The following KLF13 variants were observed in gnomAD, a reference collection of about 807,000 sequenced individuals.
The protein encoded by KLF13 is KLF transcription factor 13, also known as Krueppel-like factor 13.
KLF13 carries 8 observed loss-of-function variants against 16.7 expected under a neutral mutation model. That is an observed-to-expected ratio of 0.48 (90% CI 0.28 to 0.87). The LOEUF is 0.87. Among genes scored for constraint, KLF13 ranks in the 40% least tolerant of loss-of-function variants. The pLI, the probability that KLF13 is intolerant of heterozygous loss-of-function variation, is 0.10. For synonymous variants in KLF13, 245 were observed against 208.4 expected, an observed-to-expected ratio of 1.18 and a Z score of -1.51; for missense variants, 447 against 452.2, an observed-to-expected ratio of 0.99 and a Z score of 0.10.
chr15:31,387,511 T>C (rs185453977), intron 1 of KLF13, among the ~76,000 whole-genome samples: 15 of 152,386 alleles, frequency 9.8e-5, no homozygotes, highest in African/African-American at 3.6e-4. Flanking sequence ...AACTTTTATA[T>C]GCACTGGGAA....
intron 2 of KLF13, among the ~76,000 whole-genome samples, chr15:31,399,362 A>T (rs2040001422): frequency 1.3e-5 from 2 of 152,192 alleles, no homozygotes; most frequent in African/African-American, 4.8e-5. Context: ...ACGGGGTTTC[A>T]TCATGTTGGG....
At chr15:31,333,830 G>A (rs2038878666) in intron 1 of KLF13, among the ~76,000 whole-genome samples, 1 of 152,188 alleles carries the variant, frequency 6.6e-6, no homozygotes. Context: ...CCCAAAGCCA[G>A]TTGTCTTGTA....
chr15:31,356,361 C>A (rs1255021502), intron 1 of KLF13, among the ~76,000 whole-genome samples: 1 of 152,196 alleles, frequency 6.6e-6, no homozygotes, highest in East Asian at 1.9e-4. Context: ...TCAGACCAGC[C>A]TGACCAACAT....
intron 1 of KLF13, among the ~76,000 whole-genome samples, chr15:31,352,820 T>C (rs2039237655): frequency 6.6e-6 from 1 of 152,220 alleles, no homozygotes; most frequent in African/African-American, 2.4e-5. Context: ...CTGAGCCAAG[T>C]TCCCTTAGGA....
chr15:31,413,206 A>AAAAAAAAAAAAAAAAAAAC (rs1566843740), intron 1 of KLF13, among the ~76,000 whole-genome samples: 4 of 145,450 alleles, frequency 2.8e-5, no homozygotes, highest in East Asian at 2.1e-4. Context: ...AAAAAAACAA[A>AAAAAAAAAAAAAAAAAAAC]AAACAAAAAA....
At chr15:31,410,886 T>C (rs775853567) in intron 1 of KLF13, among the ~76,000 whole-genome samples, 2 of 152,114 alleles carry the variant, frequency 1.3e-5, no homozygotes, top group Non-Finnish European at 2.9e-5. Flanking sequence ...CAGACCCCTA[T>C]AGACACTGAA....
intron 1 of KLF13, among the ~76,000 whole-genome samples, chr15:31,335,127 TG>T (rs1330304718): frequency 6.6e-6 from 1 of 151,760 alleles, no homozygotes; most frequent in African/African-American, 2.4e-5. Context: ...GCTTGCTGAA[TG>T]GGGGAGCATC....
intron 1 of KLF13, among the ~76,000 whole-genome samples, chr15:31,386,453 C>G (rs925671174): frequency 1.6e-4 from 25 of 152,206 alleles, no homozygotes; most frequent in African/African-American, 5.1e-4. Context: ...GAGCCGAGAT[C>G]GTGCCATTGC....
At chr15:31,330,417 C>T (rs1373908961) in intron 1 of KLF13, among the ~76,000 whole-genome samples, 2 of 152,210 alleles carry the variant, frequency 1.3e-5, no homozygotes, top group Admixed American at 6.5e-5. Flanking sequence ...GGAAGGTGGC[C>T]AGCTGCTCTG....
At chr15:31,379,336 C>T (rs1164581763), downstream of KLF13, among the ~76,000 whole-genome samples, 2 of 152,182 alleles carry the variant, frequency 1.3e-5, no homozygotes, top group Non-Finnish European at 1.5e-5. Context: ...TCCGCCTTCT[C>T]AGAGCCATTT....
chr15:31,414,403 A>G, intron 1 of KLF13, among the ~76,000 whole-genome samples: 1 of 152,304 alleles, frequency 6.6e-6, no homozygotes, highest in African/African-American at 2.4e-5. Context: ...CGAATTAAAC[A>G]TTTCTCAAAA....
upstream of KLF13, among the ~76,000 whole-genome samples, chr15:31,388,633 A>G (rs1259643707): frequency 6.6e-6 from 1 of 151,164 alleles, no homozygotes; most frequent in African/African-American, 2.4e-5. Flanking sequence ...GAAAAAGAAA[A>G]CCAGTAAAAT....
downstream of KLF13, among the ~76,000 whole-genome samples, chr15:31,380,923 C>T (rs560469355): frequency 1.4e-3 from 215 of 152,286 alleles, no homozygotes; most frequent in African/African-American, 5.0e-3. Flanking sequence ...CCTGTAATCC[C>T]AGCATTCTGG....
chr15:31,362,007 T>TA (rs935289832), intron 1 of KLF13, among the ~76,000 whole-genome samples: 4 of 152,034 alleles, frequency 2.6e-5, no homozygotes, highest in Admixed American at 6.6e-5. Context: ...CATGAGCCCC[T>TA]ACAGTGGCAC....
At chr15:31,363,770 G>C (rs1423273322) in intron 1 of KLF13, among the ~76,000 whole-genome samples, 1 of 152,258 alleles carries the variant, frequency 6.6e-6, no homozygotes, top group African/African-American at 2.4e-5. Context: ...ACAGGCATGA[G>C]CCACCATGCC....
rs535360880 is a variant in KLF13, at chr15:31,434,567, G to A, written n.118-803G>A. Among the ~76,000 whole-genome samples, 183 of 152,346 alleles carry A rather than the reference G, an allele frequency of 1.2e-3. 1 individual carries two copies. Among genetic ancestry groups the A allele is most frequent in the African/African-American group, 4.2e-3 (173 of 41,564 alleles). On this transcript the variant is annotated intron_variant and non_coding_transcript_variant, in intron 1 of 1. Coordinates refer to the KLF13 transcript ENST00000558225. Reference sequence around the variant, plus strand: ...ACTGGGTCTTTGCTATCTCAGGGGCGTGGAAGGGACTTTTGAGTTTGAGAA... The same window carrying A: ...ACTGGGTCTTTGCTATCTCAGGGGCATGGAAGGGACTTTTGAGTTTGAGAA...
chr15:31,418,566 A>G (rs1254408545), intron 1 of KLF13, among the ~76,000 whole-genome samples: 1 of 152,214 alleles, frequency 6.6e-6, no homozygotes. Context: ...TCCCACAAAT[A>G]ATAATATGAA....
At chr15:31,333,508 C>G (rs1450648350) in intron 1 of KLF13, among the ~76,000 whole-genome samples, 2 of 152,146 alleles carry the variant, frequency 1.3e-5, no homozygotes, top group African/African-American at 4.8e-5. Flanking sequence ...TATACTCTTC[C>G]CATAGGGTCA....
upstream of KLF13, among the ~76,000 whole-genome samples, chr15:31,390,170 C>T (rs953796165): frequency 3.9e-5 from 6 of 152,108 alleles, 1 homozygote; most frequent in South Asian, 2.1e-4. Context: ...CCCATGGATC[C>T]GCACCCCCAC....
Sources: allele counts gnomAD v4.1 joint callset (sites outside exome capture counted in the v4.1 genomes callset), GRCh38; gene constraint gnomAD v4.1.1; transcripts MANE v1.5; gene names NCBI Gene and HGNC (gene_info 2026-07-23, HGNC 2026-07-21).